GALNT13: variants seen among roughly 807,000 people sequenced by gnomAD.
The protein encoded by GALNT13 is UDP-GalNAc:polypeptide N-acetylgalactosaminyltransferase 13.
GALNT13 carries 28 observed loss-of-function variants against 64.2 expected under a neutral mutation model. That is an observed-to-expected ratio of 0.44 (90% CI 0.32 to 0.60). The LOEUF (loss-of-function observed/expected upper bound fraction) is 0.60, where lower values mean the gene tolerates loss of function less well. Among genes scored for constraint, GALNT13 ranks in the 20% least tolerant of loss-of-function variants. The pLI is 0.05. For synonymous variants in GALNT13, 214 were observed against 224.6 expected, an observed-to-expected ratio of 0.95 and a Z score of 0.42; for missense variants, 577 against 669.8, an observed-to-expected ratio of 0.86 and a Z score of 1.53.
At chr2:153,198,594 G>T in the GALNT13 span, among the ~76,000 whole-genome samples, 2 of 152,168 alleles carry the variant, frequency 1.3e-5, no homozygotes, top group Admixed American at 6.5e-5. Context: ...CCTCTAGTCA[G>T]CCATCTGGCA....
the GALNT13 span, among the ~76,000 whole-genome samples, chr2:153,288,163 G>T: frequency 2.6e-5 from 4 of 152,144 alleles, no homozygotes; most frequent in African/African-American, 9.7e-5. Context: ...CATGTGCAAA[G>T]ATTTGCTTGT....
At chr2:154,106,846 TG>T in intron 3 of GALNT13, among the ~76,000 whole-genome samples, 1 of 152,294 alleles carries the variant, frequency 6.6e-6, no homozygotes, top group South Asian at 2.1e-4. Flanking sequence ...CATATTACTC[TG>T]GTTTGGATAT....
chr2:154,316,333 T>G (rs1288569774), intron 9 of GALNT13, among the ~76,000 whole-genome samples: 1 of 152,188 alleles, frequency 6.6e-6, no homozygotes, highest in Non-Finnish European at 1.5e-5. Context: ...ATTTGAAAAT[T>G]GTGATCAACT....
chr2:153,260,728 A>G, the GALNT13 span, among the ~76,000 whole-genome samples: 1 of 152,070 alleles, frequency 6.6e-6, no homozygotes, highest in Admixed American at 6.5e-5. Context: ...TTGAATATTG[A>G]TATCTGTCTC....
At chr2:153,158,353 A>G in the GALNT13 span, among the ~76,000 whole-genome samples, 65 of 152,308 alleles carry the variant, frequency 4.3e-4, no homozygotes, top group Admixed American at 1.9e-3. Context: ...TAAATAGTGA[A>G]ATTTAAGTTA....
rs573219532 is a variant in GALNT13 at position 154,077,026 on chromosome 2, A to G, written c.143-63311A>G. 2.6e-5 allele frequency among the ~76,000 whole-genome samples: 4 copies of G among 151,754 alleles called. No individual in the cohort carries two copies. The East Asian group carries it at 5.8e-4, about 22-fold the overall frequency. On this transcript the variant is annotated intron_variant, in intron 3 of 12. Transcript: ENST00000392825. ...ACCATTTGAAGTAACAAATATTTCTAAAGGAGGCCAAATAATAGTTGTAAA... is the reference window on the plus strand; with the variant it reads ...ACCATTTGAAGTAACAAATATTTCTGAAGGAGGCCAAATAATAGTTGTAAA...
intron 7 of GALNT13, among the ~76,000 whole-genome samples, chr2:154,254,590 A>G (rs1340871961): frequency 6.6e-6 from 1 of 151,818 alleles, no homozygotes; most frequent in Non-Finnish European, 1.5e-5. Context: ...TCAGAAAAAA[A>G]AAGAAGTATT....
the GALNT13 span, among the ~76,000 whole-genome samples, chr2:153,097,455 T>G: frequency 9.2e-5 from 14 of 152,284 alleles, no homozygotes; most frequent in African/African-American, 3.4e-4. Context: ...TCTCCTTTTC[T>G]TTTATATTTT....
intron 11 of GALNT13, among the ~76,000 whole-genome samples, chr2:154,418,994 T>G (rs545085396): frequency 6.6e-6 from 1 of 152,102 alleles, no homozygotes; most frequent in African/African-American, 2.4e-5. Context: ...ACCATCATAG[T>G]AATTGTAAAT....
chr2:154,212,933 C>G (rs535945465), intron 4 of GALNT13, among the ~76,000 whole-genome samples: 129 of 151,764 alleles, frequency 8.5e-4, no homozygotes, highest in African/African-American at 3.1e-3. Flanking sequence ...AAAGTGTTAT[C>G]TGGCCTTAAA....
chr2:154,325,628 A>G (rs1307692477), intron 9 of GALNT13, among the ~76,000 whole-genome samples: 3 of 152,030 alleles, frequency 2.0e-5, no homozygotes, highest in Non-Finnish European at 2.9e-5. Flanking sequence ...TTGTGGATAC[A>G]TAATAATTGT....
chr2:153,701,877 T>G, the GALNT13 span, among the ~76,000 whole-genome samples: 1 of 152,270 alleles, frequency 6.6e-6, no homozygotes, highest in Non-Finnish European at 1.5e-5. Flanking sequence ...TTTACACTGT[T>G]GGTAGGAATC....
chr2:153,302,060 A>G, the GALNT13 span, among the ~76,000 whole-genome samples: 90 of 152,240 alleles, frequency 5.9e-4, no homozygotes, highest in East Asian at 0.017. Context: ...TTGGCTATAT[A>G]CTCAGTAATG....
intron 3 of GALNT13, among the ~76,000 whole-genome samples, chr2:154,102,639 G>A (rs1004095908): frequency 8.6e-5 from 13 of 151,878 alleles, no homozygotes; most frequent in Non-Finnish European, 1.8e-4. Context: ...TCCAAACATC[G>A]TAACCAAACA....
chr2:153,571,261 C>A, the GALNT13 span, among the ~76,000 whole-genome samples: 1 of 151,540 alleles, frequency 6.6e-6, no homozygotes, highest in Admixed American at 6.6e-5. Context: ...TCAGATTGTC[C>A]ACTGTTGGGA....
intron 10 of GALNT13, among the ~76,000 whole-genome samples, chr2:154,407,825 C>T (rs1291275055): frequency 6.6e-6 from 1 of 152,006 alleles, no homozygotes; most frequent in Admixed American, 6.6e-5. Flanking sequence ...TGATGGGGGC[C>T]TTAATGCAAG....
At chr2:153,601,116 G>A in the GALNT13 span, among the ~76,000 whole-genome samples, 1 of 151,436 alleles carries the variant, frequency 6.6e-6, no homozygotes, top group Non-Finnish European at 1.5e-5. Context: ...GTTTACCACA[G>A]TATATTCAAA....
At chr2:153,564,538 A>G in the GALNT13 span, among the ~76,000 whole-genome samples, 132 of 152,182 alleles carry the variant, frequency 8.7e-4, no homozygotes, top group African/African-American at 3.1e-3. Context: ...GCTGATGTGA[A>G]TATTTAAATG....
chr2:153,304,997 T>C, the GALNT13 span, among the ~76,000 whole-genome samples: 1 of 152,186 alleles, frequency 6.6e-6, no homozygotes, highest in Non-Finnish European at 1.5e-5. Context: ...GAGGATTATA[T>C]AATCACATTT....
Sources: allele counts gnomAD v4.1 joint callset (sites outside exome capture counted in the v4.1 genomes callset), GRCh38; gene constraint gnomAD v4.1.1; transcripts MANE v1.5; gene names NCBI Gene and HGNC (gene_info 2026-07-23, HGNC 2026-07-21).